HKDC1: variants seen among roughly 807,000 people sequenced by gnomAD.
The protein encoded by HKDC1 is hexokinase HKDC1.
A neutral mutation model predicts 96.6 loss-of-function variants in HKDC1; 66 were observed. The ratio of observed to expected loss-of-function variants is 0.68; its 90% CI spans 0.56 to 0.84. The LOEUF (loss-of-function observed/expected upper bound fraction) is 0.84, where lower values mean the gene tolerates loss of function less well. Among genes scored for constraint, HKDC1 ranks in the 40% least tolerant of loss-of-function variants. The probability of loss-of-function intolerance (pLI) is 0.00; values close to 1 mark genes in which losing one functional copy is unlikely to be tolerated. For missense variants in HKDC1, 1,211 were observed against 1,208.1 expected, an observed-to-expected ratio of 1.00 and a Z score of -0.04; for synonymous variants, 466 against 473.1, an observed-to-expected ratio of 0.98 and a Z score of 0.20.
chr10:69,259,708 G>T (rs1040358198), intron 15 of HKDC1, among the ~76,000 whole-genome samples: 5 of 152,182 alleles, frequency 3.3e-5, no homozygotes, highest in African/African-American at 1.2e-4. Context: ...ATGGCAGAAG[G>T]TGAAGGGGAA....
intron 4 of HKDC1, among the ~76,000 whole-genome samples, chr10:69,234,904 G>A (rs1042285206): frequency 6.6e-6 from 1 of 152,220 alleles, no homozygotes; most frequent in African/African-American, 2.4e-5. Context: ...CATCTATACA[G>A]GGGACAGGCT....
chr10:69,232,829 G>T lies in HKDC1; in HGVS notation c.292G>T (p.Ala98Ser). The change falls in exon 3 of 18, where the codon GCT (alanine) becomes TCT (serine). Residue 98 changes from alanine (A) to serine (S), a missense_variant. Ala to Ser is a moderately conservative substitution (Grantham distance 99). Transcript: ENST00000354624. Reference protein sequence around the residue: ...SKFRVLKVQVAEEGKRHVQME... With the variant: ...SKFRVLKVQVSEEGKRHVQME... ...GTTCCGAGTGCTGAAGGTGCAAGTC[G>T]CTGAAGAGGGGAAGCGACACGTGCA... The T allele has an allele frequency of 6.2e-7, 1 of 1,614,172 alleles. No homozygotes were observed.
At chr10:69,259,468 A>G (rs950500004) in intron 15 of HKDC1, among the ~76,000 whole-genome samples, 1 of 152,206 alleles carries the variant, frequency 6.6e-6, no homozygotes, top group Non-Finnish European at 1.5e-5. Context: ...AAATACTGAA[A>G]ATAATGAATG....
chr10:69,250,467 G>T, intron 11 of HKDC1, 32 bp downstream of exon 11: 2 of 1,611,818 alleles, frequency 1.2e-6, no homozygotes, highest in Non-Finnish European at 1.7e-6. Flanking sequence ...TGGGCTCCGA[G>T]GTGCCAGCCT....
intron 16 of HKDC1, 147 bp from the exon 17 acceptor site, chr10:69,265,438 G>A (rs1843880475): frequency 7.3e-6 from 5 of 685,242 alleles, no homozygotes; most frequent in Non-Finnish European, 1.3e-5. Flanking sequence ...CGGCTTCTAA[G>A]GCATTCTGCT....
At chr10:69,254,174 G>A (rs542749589) in intron 12 of HKDC1, among the ~76,000 whole-genome samples, 186 of 152,190 alleles carry the variant, frequency 1.2e-3, no homozygotes, top group Non-Finnish European at 2.0e-3. Context: ...GTATGGTGGC[G>A]GGTGCCTGCA....
chr10:69,246,076 C>A lies in HKDC1; in HGVS notation c.876-3C>A. On this transcript the variant is annotated splice_region_variant and splice_polypyrimidine_tract_variant and intron_variant, in intron 7 of 17. Coordinates refer to ENST00000354624, the MANE Select transcript of HKDC1 (RefSeq NM_025130.4). ...GTCCACAGATCTGTTCACCAACCTGCAGGTTCGAGAAGATGATCAGTGGCC... is the reference window on the plus strand; with the variant it reads ...GTCCACAGATCTGTTCACCAACCTGAAGGTTCGAGAAGATGATCAGTGGCC... 6.2e-7 allele frequency: 1 copy of A among 1,613,874 alleles called. No homozygotes were observed. The highest frequency in any genetic ancestry group is 1.7e-4 in the Middle Eastern group (1 of 6,060).
At chr10:69,263,464 A>G (rs1843842017) in intron 16 of HKDC1, among the ~76,000 whole-genome samples, 1 of 152,146 alleles carries the variant, frequency 6.6e-6, no homozygotes, top group South Asian at 2.1e-4. Flanking sequence ...GCCAGTGGGA[A>G]TTGGTAGGTG....
chr10:69,235,407 G>A (rs910312928), intron 4 of HKDC1, among the ~76,000 whole-genome samples: 20 of 151,866 alleles, frequency 1.3e-4, no homozygotes, highest in Non-Finnish European at 2.4e-4. Flanking sequence ...GGGTGACAGC[G>A]CGAGACTCTG....
At chr10:69,250,169 T>C in intron 10 of HKDC1, 121 bp from the exon 11 acceptor site, 1 of 1,127,750 alleles carries the variant, frequency 8.9e-7, no homozygotes. Flanking sequence ...CACGACCCTC[T>C]GGTCTATGAG....
At chr10:69,265,898 C>G (rs1843891253) in intron 17 of HKDC1, 80 bp downstream of exon 17, 1 of 1,002,642 alleles carries the variant, frequency 1.0e-6, no homozygotes, top group Non-Finnish European at 1.5e-6. Flanking sequence ...GCCTCCTGAA[C>G]TGCGGCATGG....
Position 69,248,561 on chromosome 10 carries a change from A to G in HKDC1, c.1403A>G (p.Lys468Arg). The G allele has an allele frequency of 1.2e-6, 2 of 1,614,112 alleles. No homozygotes were observed. The highest frequency in any genetic ancestry group is 1.7e-6 in the Non-Finnish European group (2 of 1,180,026). ...GCCTCCCGCGTGCAGGCCCAGCGGA[A>G]GCAGATCGACAGGGTGCTGGCTTTG... Reference protein sequence around the residue: ...AVASRVQAQRKQIDRVLALFQ... With the variant: ...AVASRVQAQRRQIDRVLALFQ... The change falls in exon 10 of 18, where the codon AAG (lysine) becomes AGG (arginine). Residue 468 changes from lysine (K) to arginine (R), a missense_variant. Coordinates refer to ENST00000354624, the MANE Select transcript of HKDC1 (RefSeq NM_025130.4).
rs937556783 is a variant in HKDC1, at chr10:69,260,475, G to T, written c.2217-664G>T. ...CACATTTTTGGATTGAGGTTTTAAGGGGGCAGCACCTTTGAACTTGCCTTG... is the reference window on the plus strand; with the variant it reads ...CACATTTTTGGATTGAGGTTTTAAGTGGGCAGCACCTTTGAACTTGCCTTG... On this transcript the variant is annotated intron_variant, in intron 15 of 17. Transcript: ENST00000354624. Among the ~76,000 whole-genome samples, 8 of 152,150 alleles carry T rather than the reference G, an allele frequency of 5.3e-5. No individual in the cohort carries two copies. The East Asian group carries it at 1.3e-3, about 26-fold the overall frequency.
At chr10:69,237,763 G>A (rs1344060788) in intron 4 of HKDC1, among the ~76,000 whole-genome samples, 3 of 152,138 alleles carry the variant, frequency 2.0e-5, no homozygotes, top group Admixed American at 6.5e-5. Context: ...GCCACACGGC[G>A]GCGCTGTGGT....
In HKDC1 at chr10:69,266,607, T is replaced by C. The variant is rs773926352; in HGVS notation, c.2607-3T>C. On this transcript the variant is annotated splice_polypyrimidine_tract_variant and splice_region_variant and intron_variant, in intron 17 of 17. Coordinates refer to ENST00000354624, the MANE Select transcript of HKDC1 (RefSeq NM_025130.4). ...TGATGATGTTTCTTTCTCTTTTTCA[T>C]AGCTTTTCTAGAATATTGCAGGAAA... 9 of 1,613,454 alleles carry C rather than the reference T, an allele frequency of 5.6e-6. No homozygotes were observed. Among genetic ancestry groups the C allele is most frequent in the African/African-American group, 1.3e-5 (1 of 74,892 alleles).
intron 4 of HKDC1, 27 bp from the exon 5 acceptor site, chr10:69,239,015 C>T: frequency 1.3e-6 from 2 of 1,563,492 alleles, no homozygotes; most frequent in South Asian, 2.2e-5. Context: ...GTCTTTCATT[C>T]AAACTGGACC....
At chr10:69,228,241 G>C (rs1589402433) in intron 2 of HKDC1, among the ~76,000 whole-genome samples, 1 of 152,080 alleles carries the variant, frequency 6.6e-6, no homozygotes, top group Non-Finnish European at 1.5e-5. Context: ...CAGCAGTGTA[G>C]CCTCTTCAGG....
intron 12 of HKDC1, among the ~76,000 whole-genome samples, chr10:69,254,662 G>A (rs937420638): frequency 7.9e-5 from 12 of 151,968 alleles, no homozygotes; most frequent in South Asian, 4.1e-4. Flanking sequence ...TTTTATTTTC[G>A]TGCAATTATA....
At chr10:69,238,368 C>CA (rs1564728811) in intron 4 of HKDC1, among the ~76,000 whole-genome samples, 1,067 of 61,384 alleles carry the variant, frequency 0.017, 185 homozygotes, top group East Asian at 0.048. Flanking sequence ...CAGGTATTTT[C>CA]TTTTTTTTTT....
Sources: allele counts gnomAD v4.1 joint callset (sites outside exome capture counted in the v4.1 genomes callset), GRCh38; gene constraint gnomAD v4.1.1; transcripts MANE v1.5; gene names NCBI Gene and HGNC (gene_info 2026-07-23, HGNC 2026-07-21).